The following PTPRQ variants were observed in gnomAD, a reference collection of about 807,000 sequenced individuals.
PTPRQ encodes phosphatidylinositol phosphatase PTPRQ.
In PTPRQ, 199 loss-of-function variants were observed where a neutral mutation model predicts 246.0. The ratio of observed to expected loss-of-function variants is 0.81; its 90% CI spans 0.72 to 0.91. The LOEUF (loss-of-function observed/expected upper bound fraction) is 0.91, where lower values mean the gene tolerates loss of function less well. Ranked by LOEUF, PTPRQ falls within the 40% of genes least tolerant of loss-of-function variation. The pLI is 0.00. For missense variants in PTPRQ, 2,624 were observed against 2,528.4 expected (o/e 1.04, Z -0.81); for synonymous variants, 869 against 853.2 (o/e 1.02, Z -0.32).
chr12:80,554,681 G>T (rs1315916609), intron 25 of PTPRQ, among the ~76,000 whole-genome samples: 1 of 152,144 alleles, frequency 6.6e-6, no homozygotes, highest in Non-Finnish European at 1.5e-5. Flanking sequence ...CACTGAGCTT[G>T]CAAATATATT....
At chr12:80,552,752 A>G (rs1393423828) in intron 25 of PTPRQ, among the ~76,000 whole-genome samples, 2 of 145,730 alleles carry the variant, frequency 1.4e-5, no homozygotes, top group Non-Finnish European at 3.0e-5. Context: ...GTAGAGATTG[A>G]GGGGATTCAA....
Position 80,581,221 on chromosome 12 carries a change from T to C in PTPRQ, c.4286-6908T>C, listed in dbSNP as rs148211340. Among the ~76,000 whole-genome samples the C allele has an allele frequency of 2.1e-4, 32 of 152,136 alleles. No homozygotes were observed. The East Asian group carries it at 6.2e-3, about 29-fold the overall frequency. On this transcript the variant is annotated intron_variant, in intron 25 of 44. Transcript: ENST00000644991. ...ACTCTAGGGAGAGAAAATTGAAACA[T>C]GGGAAAGGTAACTGGTAGTAGATCT...
At chr12:80,615,058 G>A (rs969828179) in intron 29 of PTPRQ, among the ~76,000 whole-genome samples, 3 of 151,032 alleles carry the variant, frequency 2.0e-5, no homozygotes, top group African/African-American at 2.4e-5. Flanking sequence ...TTAACAAGGT[G>A]TGCGAATGAC....
intron 38 of PTPRQ, among the ~76,000 whole-genome samples, chr12:80,654,628 A>C (rs1900368230): frequency 6.6e-6 from 1 of 151,278 alleles, no homozygotes; most frequent in African/African-American, 2.4e-5. Flanking sequence ...CGGGCAGATC[A>C]CTTGAGGTCA....
intron 25 of PTPRQ, among the ~76,000 whole-genome samples, chr12:80,580,055 C>T (rs1356164529): frequency 6.6e-6 from 1 of 152,118 alleles, no homozygotes; most frequent in African/African-American, 2.4e-5. Context: ...AAACTACCTT[C>T]ACAATCCTAT....
chr12:80,592,413 A>G (rs183729255), intron 26 of PTPRQ, among the ~76,000 whole-genome samples: 2 of 152,304 alleles, frequency 1.3e-5, no homozygotes, highest in East Asian at 3.9e-4. Context: ...CATAATTTAT[A>G]CATCAAAATA....
At chr12:80,552,028 A>G (rs1296900243) in intron 25 of PTPRQ, among the ~76,000 whole-genome samples, 2 of 152,058 alleles carry the variant, frequency 1.3e-5, no homozygotes, top group Non-Finnish European at 2.9e-5. Context: ...AAAGCCTTTA[A>G]TGGCATTTCT....
At chr12:80,638,488 A>C (rs1343340189) in intron 35 of PTPRQ, among the ~76,000 whole-genome samples, 1 of 152,186 alleles carries the variant, frequency 6.6e-6, no homozygotes, top group Non-Finnish European at 1.5e-5. Context: ...AACTAGGCAA[A>C]AATAAAACAA....
chr12:80,673,108 T>C, intron 42 of PTPRQ, 61 bp from the exon 43 acceptor site: 1 of 1,539,496 alleles, frequency 6.5e-7, no homozygotes. Flanking sequence ...ATTATCTTTA[T>C]CCCCATCAAA....
intron 3 of PTPRQ, 109 bp downstream of exon 3, chr12:80,445,826 A>T: frequency 1.4e-6 from 1 of 737,362 alleles, no homozygotes; most frequent in Non-Finnish European, 2.3e-6. Flanking sequence ...ACAGTCAGTG[A>T]CTGACAACGT....
intron 3 of PTPRQ, among the ~76,000 whole-genome samples, chr12:80,454,784 A>T (rs1892917111): frequency 6.6e-6 from 1 of 152,246 alleles, no homozygotes; most frequent in Admixed American, 6.5e-5. Context: ...TTTAATAAAA[A>T]AGTAGAATAT....
chr12:80,628,517 A>T (rs915422873), intron 33 of PTPRQ, among the ~76,000 whole-genome samples: 4 of 152,214 alleles, frequency 2.6e-5, no homozygotes, highest in African/African-American at 9.6e-5. Context: ...AATTATAATT[A>T]GTAGTTGTGC....
chr12:80,506,203 A>G lies in PTPRQ; in HGVS notation c.2452A>G (p.Lys818Glu), dbSNP rs1416801361. Reference protein sequence around the residue: ...INTTSLTQNIKVLKKYTQYII... With the variant: ...INTTSLTQNIEVLKKYTQYII... ...TACAACCTCTTTAACCCAAAACATT[A>G]AAGGTAAAAGAACAAATCTAATATT... is the stretch of plus-strand genomic sequence containing the variant. Residue 818 changes from lysine to glutamate, a missense_variant, in exon 15 of 45, where the codon AAA becomes GAA. Lys to Glu is a moderately conservative substitution (Grantham distance 56). Coordinates refer to ENST00000644991, the MANE Select transcript of PTPRQ (RefSeq NM_001145026.2). The G allele has an allele frequency of 2.2e-5, 33 of 1,475,314 alleles. No homozygotes were observed. Among genetic ancestry groups the G allele is most frequent in the Non-Finnish European group, 2.8e-5 (31 of 1,113,622 alleles). The allele number at this position is 1,475,314 out of a possible 1,614,324, so 91.4% of individuals were successfully genotyped here.
chr12:80,497,475 C>A (rs1340417092), intron 14 of PTPRQ, among the ~76,000 whole-genome samples: 2 of 152,046 alleles, frequency 1.3e-5, no homozygotes, highest in African/African-American at 2.4e-5. Context: ...ATGATGCTCA[C>A]CTGCTGTGTG....
At chr12:80,505,484 G>A (rs1281445680) in intron 14 of PTPRQ, among the ~76,000 whole-genome samples, 1 of 151,806 alleles carries the variant, frequency 6.6e-6, no homozygotes, top group East Asian at 1.9e-4. Flanking sequence ...TATGCATAAT[G>A]TATTCAGTAT....
chr12:80,632,301 A>G lies in PTPRQ; in HGVS notation c.5786+10A>G. 1 of 1,551,214 alleles carries G rather than the reference A, an allele frequency of 6.4e-7. No homozygotes were observed. The highest frequency in any genetic ancestry group is 1.4e-5 in the African/African-American group (1 of 73,138). On this transcript the variant is annotated intron_variant, in intron 34 of 44. Transcript: ENST00000644991. ...TTTTTGCATTTGCAAGGTAAGATTT[A>G]TTTGCGCTTACATTCCAGGATGCTT...
intron 35 of PTPRQ, among the ~76,000 whole-genome samples, chr12:80,641,332 A>T (rs1212168487): frequency 6.6e-6 from 1 of 152,250 alleles, no homozygotes; most frequent in African/African-American, 2.4e-5. Flanking sequence ...AAATGAAGGA[A>T]TATGAATGGA....
chr12:80,496,195 A>G, intron 13 of PTPRQ, 55 bp from the exon 14 acceptor site: 1 of 1,542,166 alleles, frequency 6.5e-7, no homozygotes, highest in Non-Finnish European at 8.7e-7. Context: ...TAGGGTCTAA[A>G]GCAACAAACA....
In PTPRQ at chr12:80,619,504, C is replaced by A. The variant is rs1898894170; in HGVS notation, c.5351C>A (p.Pro1784Gln). ...PICYYSDDHG[P>Q]IKNVQVLVTE... is the part of the protein sequence containing the mutation. ...TGTTACTACAGTGATGATCATGGAC[C>A]AATAAAAAATGTACAAGTGCTTGTG... Residue 1784 changes from proline (P) to glutamine (Q), a missense_variant, in exon 31 of 45, where the codon CCA (proline) becomes CAA (glutamine). By Grantham distance (76) the Pro-to-Gln change is moderately conservative. Coordinates refer to ENST00000644991, the MANE Select transcript of PTPRQ (RefSeq NM_001145026.2). 1.3e-6 allele frequency: 2 copies of A among 1,538,636 alleles called. No individual in the cohort carries two copies. The highest frequency in any genetic ancestry group is 1.4e-5 in the African/African-American group (1 of 72,320).
Sources: allele counts gnomAD v4.1 joint callset (sites outside exome capture counted in the v4.1 genomes callset), GRCh38; gene constraint gnomAD v4.1.1; transcripts MANE v1.5; gene names NCBI Gene and HGNC (gene_info 2026-07-23, HGNC 2026-07-21).